ZBTB7C: variants seen among roughly 807,000 people sequenced by gnomAD.
ZBTB7C encodes the protein zinc finger and BTB domain containing 7C.
ZBTB7C carries 8 observed loss-of-function variants against 25.7 expected under a neutral mutation model. That is an observed-to-expected ratio of 0.31 (90% CI 0.18 to 0.56). The LOEUF (loss-of-function observed/expected upper bound fraction) is 0.56. Among genes scored for constraint, ZBTB7C ranks in the 20% least tolerant of loss-of-function variants. ZBTB7C has a pLI of 0.91. For missense variants in ZBTB7C, 824 were observed against 855.2 expected (o/e 0.96, Z 0.46); for synonymous variants, 394 against 369.0 (o/e 1.07, Z -0.78).
At chr18:48,083,530 AC>A (rs753922732) in intron 3 of ZBTB7C, among the ~76,000 whole-genome samples, 1 of 152,184 alleles carries the variant, frequency 6.6e-6, no homozygotes, top group Non-Finnish European at 1.5e-5. Context: ...AGGGAAGGGT[AC>A]GCTGGAGACA....
chr18:48,325,075 G>A (rs2046187607), intron 2 of ZBTB7C, among the ~76,000 whole-genome samples: 1 of 152,192 alleles, frequency 6.6e-6, no homozygotes. Flanking sequence ...GAAAGGTGCT[G>A]TGCATGGTAA....
chr18:48,392,881 G>A (rs1217693428), intron 1 of ZBTB7C, among the ~76,000 whole-genome samples: 1 of 152,136 alleles, frequency 6.6e-6, no homozygotes, highest in Non-Finnish European at 1.5e-5. Context: ...AAAAAGGCCT[G>A]GAAAGCTGGG....
intron 1 of ZBTB7C, among the ~76,000 whole-genome samples, chr18:48,389,464 T>A (rs1172616445): frequency 2.4e-5 from 2 of 82,998 alleles, no homozygotes; most frequent in Non-Finnish European, 5.0e-5. Flanking sequence ...CTCTTGGATT[T>A]TTTTTTTTTT....
intron 1 of ZBTB7C, among the ~76,000 whole-genome samples, chr18:48,403,330 C>T (rs1345453169): frequency 6.6e-6 from 1 of 152,206 alleles, no homozygotes; most frequent in Non-Finnish European, 1.5e-5. Context: ...CTTGTCAAAT[C>T]AGGGCTAACA....
chr18:48,165,437 G>A, intron 3 of ZBTB7C: 1 of 315,532 alleles, frequency 3.2e-6, no homozygotes. Flanking sequence ...AACTTGGGCA[G>A]AGAGAGGGGA....
intron 2 of ZBTB7C, among the ~76,000 whole-genome samples, chr18:48,297,139 G>T (rs1486785089): frequency 5.3e-5 from 8 of 152,226 alleles, no homozygotes; most frequent in Non-Finnish European, 1.2e-4. Flanking sequence ...ACATATGCCC[G>T]CATGTTCTAG....
chr18:48,083,876 G>T lies in ZBTB7C; in HGVS notation c.-16-42753C>A, dbSNP rs904358381. The T allele has an allele frequency of 9.1e-6, 9 of 985,276 alleles. No homozygotes were observed. In the African/African-American group the frequency reaches 1.4e-4, roughly 15 times the overall value. The allele number at this position is 985,276 out of a possible 1,614,324, so 61.0% of individuals were successfully genotyped here. ...TTTCCCCTCCTATCTTGTCCCTGAA[G>T]AAAGGAAGAGCTTCAGTGGACCCAT... On this transcript the variant is annotated intron_variant, in intron 3 of 4. Coordinates refer to ENST00000590800, the MANE Select transcript of ZBTB7C (RefSeq NM_001318841.2).
chr18:48,173,046 G>C (rs1056103135), intron 3 of ZBTB7C, among the ~76,000 whole-genome samples: 1 of 152,336 alleles, frequency 6.6e-6, no homozygotes, highest in Admixed American at 6.5e-5. Flanking sequence ...TGAAAGCTCC[G>C]ACTTTCCTCT....
At chr18:48,054,830 A>G (rs1175355354) in intron 3 of ZBTB7C, among the ~76,000 whole-genome samples, 2 of 152,120 alleles carry the variant, frequency 1.3e-5, no homozygotes, top group Non-Finnish European at 2.9e-5. Flanking sequence ...CTCCTCTGCT[A>G]TCATTTCCTC....
At position 48,243,270 on chromosome 18, in the gene ZBTB7C, C is replaced by CAAAAAAAAAAAAAA. The variant is rs57410285; in HGVS notation, c.-78-57289_-78-57276dup. 3.4e-5 allele frequency among the ~76,000 whole-genome samples: 3 copies of CAAAAAAAAAAAAAA among 88,306 alleles called. 1 individual carries two copies. Among genetic ancestry groups the CAAAAAAAAAAAAAA allele is most frequent in the Non-Finnish European group, 2.1e-5 (1 of 47,304 alleles). The allele number at this position is 88,306 out of a possible 152,430, so 57.9% of individuals were successfully genotyped here. ...CAGAGCAAGACTCTCTACCCCCCCA[C>CAAAAAAAAAAAAAA]AAAAAAAAAAAAAAAAAAAAGCTCC... On this transcript the variant is annotated intron_variant, in intron 2 of 4. Transcript: ENST00000590800.
At chr18:48,296,557 G>A (rs1267953825) in intron 2 of ZBTB7C, among the ~76,000 whole-genome samples, 2 of 152,108 alleles carry the variant, frequency 1.3e-5, no homozygotes, top group Non-Finnish European at 2.9e-5. Flanking sequence ...ACAGGCACAC[G>A]ATGGAGCATC....
chr18:48,233,269 G>T (rs1332657869), intron 2 of ZBTB7C, among the ~76,000 whole-genome samples: 1 of 152,256 alleles, frequency 6.6e-6, no homozygotes, highest in East Asian at 1.9e-4. Flanking sequence ...TCCTCCATGA[G>T]ATGACACAGC....
chr18:48,068,837 C>G (rs950803018), intron 3 of ZBTB7C, among the ~76,000 whole-genome samples: 2 of 152,238 alleles, frequency 1.3e-5, no homozygotes, highest in Non-Finnish European at 2.9e-5. Flanking sequence ...GCCCTTTTCA[C>G]CTTCACAATG....
At chr18:48,139,322 A>AG (rs1294794963) in intron 3 of ZBTB7C, among the ~76,000 whole-genome samples, 3 of 152,150 alleles carry the variant, frequency 2.0e-5, no homozygotes, top group Non-Finnish European at 4.4e-5. Context: ...GAGAGAGTGC[A>AG]GGGCAGAGCC....
chr18:48,048,876 A>G (rs2036576198), intron 3 of ZBTB7C, among the ~76,000 whole-genome samples: 1 of 152,130 alleles, frequency 6.6e-6, no homozygotes, highest in Admixed American at 6.5e-5. Flanking sequence ...TTCTAACCCA[A>G]AGAGCTTGGC....
intron 3 of ZBTB7C, among the ~76,000 whole-genome samples, chr18:48,091,238 ATTTTTTTTTTT>A (rs35051690): frequency 3.1e-5 from 2 of 64,670 alleles, no homozygotes; most frequent in East Asian, 4.9e-4. Flanking sequence ...TGCCCGGATA[ATTTTTTTTTTT>A]TTTTTTTTTT....
intron 2 of ZBTB7C, among the ~76,000 whole-genome samples, chr18:48,307,114 G>A (rs922748719): frequency 6.6e-6 from 1 of 152,130 alleles, no homozygotes; most frequent in Non-Finnish European, 1.5e-5. Context: ...TATATGGTAA[G>A]CCTCCAACAA....
intron 2 of ZBTB7C, among the ~76,000 whole-genome samples, chr18:48,186,798 G>A (rs1432243904): frequency 6.6e-6 from 1 of 152,202 alleles, no homozygotes; most frequent in African/African-American, 2.4e-5. Flanking sequence ...CCTTGGACAG[G>A]AGGGGAGACT....
At chr18:48,336,085 T>C (rs112290963) in intron 2 of ZBTB7C, among the ~76,000 whole-genome samples, 2 of 152,198 alleles carry the variant, frequency 1.3e-5, no homozygotes, top group African/African-American at 4.8e-5. Flanking sequence ...TCTCAACACT[T>C]CTCTAAATTC....
Sources: gnomAD v4.1 joint callset for allele counts (sites outside exome capture counted in the v4.1 genomes callset) on GRCh38, gnomAD v4.1.1 for gene constraint, MANE v1.5 for transcripts, NCBI Gene and HGNC (gene_info 2026-07-23, HGNC 2026-07-21) for gene names.